ZSCAN32: variants seen among roughly 807,000 people sequenced by gnomAD.
ZSCAN32 encodes zinc finger and SCAN domain-containing protein 32.
Under a neutral mutation model 47.4 loss-of-function variants are expected in ZSCAN32, and 52 were observed. That is an observed-to-expected ratio of 1.10 (90% CI 0.88 to 1.38). ZSCAN32 has a LOEUF of 1.38. Among genes scored for constraint, ZSCAN32 ranks in the 40% most tolerant of loss-of-function variants. The pLI is 0.00. For missense variants in ZSCAN32, 959 were observed against 846.0 expected (o/e 1.13, Z -1.66); for synonymous variants, 346 against 305.7 (o/e 1.13, Z -1.38).
chr16:3,382,724 C>A lies in ZSCAN32; in HGVS notation c.*128G>T. 1 of 1,428,014 alleles carries A rather than the reference C, an allele frequency of 7.0e-7. No individual in the cohort carries two copies. 88.5% of individuals were successfully genotyped at this position (1,428,014 alleles called of 1,614,324 possible). A position where few individuals can be genotyped will look rare whatever the true frequency, so the allele number is the denominator to read the frequency against. On this transcript the variant is annotated 3_prime_UTR_variant, in exon 7 of 7. Coordinates refer to ENST00000396852, the MANE Select transcript of ZSCAN32 (RefSeq NM_001284527.2). ...CCTTATGCTGACTCCTGGTCCTAGA[C>A]ATGGGTCTTAAGATCCAGTAGTCAG...
Position 3,390,389 on chromosome 16 carries a change from A to T in ZSCAN32, c.627+34T>A, listed in dbSNP as rs1057262081. The T allele has an allele frequency of 3.3e-6, 5 of 1,521,682 alleles. No individual in the cohort carries two copies. In the African/African-American group the frequency reaches 5.5e-5, roughly 17 times the overall value. 94.3% of individuals were successfully genotyped at this position (1,521,682 alleles called of 1,614,324 possible). A position where few individuals can be genotyped will look rare whatever the true frequency, so the allele number is the denominator to read the frequency against. ...GGAGGGTTTTGGGGTGAGAGTGGGT[A>T]CTCAAGAGACAGAAGGCATCAACCA... On this transcript the variant is annotated intron_variant, in intron 4 of 6. Coordinates refer to ENST00000396852, the MANE Select transcript of ZSCAN32 (RefSeq NM_001284527.2).
rs1382053536 is a variant in ZSCAN32 at position 3,383,453 on chromosome 16, A to C, written c.1493T>G (p.Leu498Arg). ...CARDKACTHI[L>R]CGKNCSQSVH... is the part of the protein sequence containing the mutation. ...ACTCTGAGAGCAGTTTTTCCCACAG[A>C]GGATATGTGTACAGGCTTTGTCCCT... is the stretch of plus-strand genomic sequence containing the variant. The change falls in exon 7 of 7, where the codon CTC becomes CGC. Residue 498 changes from leucine to arginine, a missense_variant. By Grantham distance (102) the Leu-to-Arg change is moderately radical. Transcript: ENST00000396852. The C allele has an allele frequency of 6.2e-7, 1 of 1,614,010 alleles. No homozygotes were observed. Among genetic ancestry groups the C allele is most frequent in the African/African-American group, 1.3e-5 (1 of 74,906 alleles).
chr16:3,393,237 T>TA lies in ZSCAN32; in HGVS notation c.532+411dup, dbSNP rs1175145758. On this transcript the variant is annotated intron_variant, in intron 3 of 6. Transcript: ENST00000396852. Reference sequence around the variant, plus strand: ...ATATATATATATATATAAATTTATATATTTTATATATATATATATTTTTTG... The same window carrying TA: ...ATATATATATATATATAAATTTATATAATTTTATATATATATATATTTTTTG... Among the ~76,000 whole-genome samples, 15 of 22,344 alleles carry TA rather than the reference T, an allele frequency of 6.7e-4. 6 individuals carry two copies. Among genetic ancestry groups the TA allele is most frequent in the African/African-American group, 4.1e-3 (13 of 3,172 alleles). 14.7% of individuals were successfully genotyped at this position (22,344 alleles called of 152,430 possible).
rs1425666818 is a variant in ZSCAN32 at position 3,393,756 on chromosome 16, G to A, written c.425C>T (p.Ala142Val). 7 of 1,550,162 alleles carry A rather than the reference G, an allele frequency of 4.5e-6. No homozygotes were observed. In the Admixed American group the frequency reaches 9.8e-5, roughly 22 times the overall value. Reference sequence around the variant, plus strand: ...TTGGGATCTCAGTGATTCTCTGGTTGCTCCCAAAGGGGCCATCTCCTTCAT... The same window carrying A: ...TTGGGATCTCAGTGATTCTCTGGTTACTCCCAAAGGGGCCATCTCCTTCAT... ...VLMKEMAPLG[A>V]TRESLRSQWK... The change falls in exon 3 of 7, where the codon GCA becomes GTA. Residue 142 changes from alanine (A) to valine (V), a missense_variant. By Grantham distance (64) the Ala-to-Val change is moderately conservative (BLOSUM62 0). Coordinates refer to ENST00000396852, the MANE Select transcript of ZSCAN32 (RefSeq NM_001284527.2).
chr16:3,386,083 C>CT (rs1180238850), intron 5 of ZSCAN32, among the ~76,000 whole-genome samples: 2 of 152,066 alleles, frequency 1.3e-5, no homozygotes, highest in Non-Finnish European at 2.9e-5. Context: ...ACAATGAACT[C>CT]TAACAAATTT....
At position 3,382,947 on chromosome 16, in the gene ZSCAN32, C is replaced by G. The variant is rs200652075; in HGVS notation, c.1999G>C (p.Glu667Gln). 1.2e-4 allele frequency: 195 copies of G among 1,613,862 alleles called. No homozygotes were observed. Among genetic ancestry groups the G allele is most frequent in the Non-Finnish European group, 1.6e-4 (188 of 1,179,922 alleles). ...GCAGAGTTCTTAGTGAAGCCTCTCT[C>G]ACAGTGAGAACACCTGTAAGGCTTT... is the stretch of plus-strand genomic sequence containing the variant. ...GEKPYRCSHC[E>Q]RGFTKNSALT... is the part of the protein sequence containing the mutation. Residue 667 changes from glutamate to glutamine, a missense_variant, in exon 7 of 7, where the codon GAG (glutamate) becomes CAG (glutamine). Transcript: ENST00000396852.
chr16:3,382,268 T>A lies in ZSCAN32; in HGVS notation c.*584A>T, dbSNP rs1273310768. 6.6e-6 allele frequency: 1 copy of A among 152,254 alleles called. No homozygotes were observed. Among genetic ancestry groups the A allele is most frequent in the Non-Finnish European group, 1.5e-5 (1 of 68,042 alleles). 9.4% of individuals were successfully genotyped at this position (152,254 alleles called of 1,614,324 possible). ...TCTTACAAAAAATTAACCTGGATGT[T>A]GTGCTTGCTCTAAGGTTAAGTCACT... On this transcript the variant is annotated 3_prime_UTR_variant, in exon 7 of 7. Coordinates refer to ENST00000396852, the MANE Select transcript of ZSCAN32 (RefSeq NM_001284527.2).
chr16:3,384,356 T>C (rs2031664542), intron 6 of ZSCAN32, 103 bp downstream of exon 6: 8 of 1,485,288 alleles, frequency 5.4e-6, no homozygotes, highest in Non-Finnish European at 6.4e-6. Context: ...ATCAAGATGA[T>C]GATGATGCCA....
intron 3 of ZSCAN32, among the ~76,000 whole-genome samples, chr16:3,392,548 C>T (rs190736869): frequency 3.4e-4 from 51 of 152,174 alleles, no homozygotes; most frequent in African/African-American, 1.2e-3. Flanking sequence ...TTTTCTAAGG[C>T]CAGGCGTGGT....
chr16:3,388,717 A>C (rs1383470065), intron 5 of ZSCAN32, among the ~76,000 whole-genome samples: 1 of 152,194 alleles, frequency 6.6e-6, no homozygotes, highest in Non-Finnish European at 1.5e-5. Context: ...TGTGTGGGGA[A>C]TACAAGCCCT....
Position 3,390,201 on chromosome 16 carries a change from A to ACATC in ZSCAN32, c.628-69_628-68insGATG, listed in dbSNP as rs1280723710. 2.2e-5 allele frequency: 33 copies of ACATC among 1,505,034 alleles called. No individual in the cohort carries two copies. The Admixed American group carries it at 6.7e-4, about 31-fold the overall frequency. 93.2% of individuals were successfully genotyped at this position (1,505,034 alleles called of 1,614,324 possible). A position where few individuals can be genotyped will look rare whatever the true frequency, so the allele number is the denominator to read the frequency against. On this transcript the variant is annotated intron_variant, in intron 4 of 6. Coordinates refer to ENST00000396852, the MANE Select transcript of ZSCAN32 (RefSeq NM_001284527.2). Reference sequence around the variant, plus strand: ...ACTCTAGCCTGGGGTGGGGGCAGAGACAGGATCACAGTTGTCAGATCAGGG... The same window carrying ACATC: ...ACTCTAGCCTGGGGTGGGGGCAGAGACATCCAGGATCACAGTTGTCAGATCAGGG...
intron 5 of ZSCAN32, among the ~76,000 whole-genome samples, chr16:3,388,641 C>A (rs1386076216): frequency 6.6e-6 from 1 of 152,236 alleles, no homozygotes; most frequent in Non-Finnish European, 1.5e-5. Context: ...CTTGTCCTCT[C>A]ACATTCTGTC....
intron 5 of ZSCAN32, among the ~76,000 whole-genome samples, chr16:3,385,638 C>T (rs1449239535): frequency 2.6e-5 from 4 of 152,042 alleles, no homozygotes; most frequent in Non-Finnish European, 4.4e-5. Context: ...GAAATAATGC[C>T]GCATATCTAC....
rs1596433434 is a variant in ZSCAN32, at chr16:3,382,725, A to T, written c.*127T>A. Reference sequence around the variant, plus strand: ...CTTATGCTGACTCCTGGTCCTAGACATGGGTCTTAAGATCCAGTAGTCAGT... The same window carrying T: ...CTTATGCTGACTCCTGGTCCTAGACTTGGGTCTTAAGATCCAGTAGTCAGT... On this transcript the variant is annotated 3_prime_UTR_variant, in exon 7 of 7. Transcript: ENST00000396852. The T allele has an allele frequency of 2.8e-6, 4 of 1,435,644 alleles. No individual in the cohort carries two copies. The East Asian group carries it at 9.4e-5, about 34-fold the overall frequency. 88.9% of individuals were successfully genotyped at this position (1,435,644 alleles called of 1,614,324 possible). A position where few individuals can be genotyped will look rare whatever the true frequency, so the allele number is the denominator to read the frequency against.
chr16:3,393,791 C>G lies in ZSCAN32; in HGVS notation c.390G>C (p.Leu130Phe), dbSNP rs369512600. 1.3e-6 allele frequency: 2 copies of G among 1,549,684 alleles called. No homozygotes were observed. Among genetic ancestry groups the G allele is most frequent in the Non-Finnish European group, 1.7e-6 (2 of 1,146,378 alleles). Residue 130 changes from leucine (L) to phenylalanine (F), a missense_variant, in exon 3 of 7, where the codon TTG becomes TTC. Transcript: ENST00000396852. ...GQQVLDSEKDLKVLMKEMAPL... is the reference protein window; with the variant it reads ...GQQVLDSEKDFKVLMKEMAPL... ...GGGCCATCTCCTTCATGAGTACTTT[C>G]AAGTCCTTCTCAGAATCTAGAACCT...
At position 3,382,757 on chromosome 16, in the gene ZSCAN32, G is replaced by T. The variant is rs1025056935; in HGVS notation, c.*95C>A. The T allele has an allele frequency of 2.0e-6, 3 of 1,497,698 alleles. No homozygotes were observed. The highest frequency in any genetic ancestry group is 2.8e-5 in the African/African-American group (2 of 71,390). 92.8% of individuals were successfully genotyped at this position (1,497,698 alleles called of 1,614,324 possible). Reference sequence around the variant, plus strand: ...TTAAGATCCAGTAGTCAGTAGGTCTGTTGCAAAGTCAGGGACTGGCTAGAT... The same window carrying T: ...TTAAGATCCAGTAGTCAGTAGGTCTTTTGCAAAGTCAGGGACTGGCTAGAT... On this transcript the variant is annotated 3_prime_UTR_variant, in exon 7 of 7. Coordinates refer to ENST00000396852, the MANE Select transcript of ZSCAN32 (RefSeq NM_001284527.2).
chr16:3,390,987 A>G (rs1034494033), intron 3 of ZSCAN32, among the ~76,000 whole-genome samples: 1 of 152,226 alleles, frequency 6.6e-6, no homozygotes, highest in Non-Finnish European at 1.5e-5. Flanking sequence ...TTTTCACACC[A>G]AGATAATACA....
chr16:3,384,390 A>C, intron 6 of ZSCAN32, 69 bp downstream of exon 6: 1 of 1,585,470 alleles, frequency 6.3e-7, no homozygotes, highest in Non-Finnish European at 8.6e-7. Flanking sequence ...CTCCTACTCA[A>C]CTGCTAGGCT....
chr16:3,400,559 T>C (rs564370618), intron 1 of ZSCAN32, among the ~76,000 whole-genome samples: 2 of 152,078 alleles, frequency 1.3e-5, no homozygotes. Context: ...CGGAAAAAAA[T>C]GTAGCATGAG....
Sources: allele counts gnomAD v4.1 joint callset (sites outside exome capture counted in the v4.1 genomes callset), GRCh38; gene constraint gnomAD v4.1.1; transcripts MANE v1.5; gene names NCBI Gene and HGNC (gene_info 2026-07-23, HGNC 2026-07-21).